The following BTK variants were observed in gnomAD, a reference collection of about 807,000 sequenced individuals.
BTK encodes the protein Bruton tyrosine kinase, also known as tyrosine-protein kinase BTK.
Under a neutral mutation model 57.4 loss-of-function variants are expected in BTK, and 5 were observed. The ratio of observed to expected loss-of-function variants is 0.09; its 90% CI spans 0.05 to 0.18. BTK has a LOEUF of 0.18. BTK is among the 10% of genes least tolerant of loss of function. The pLI is 1.00. For missense variants in BTK, 194 were observed against 501.2 expected (o/e 0.39, Z 5.85); for synonymous variants, 154 against 174.3 (o/e 0.88, Z 0.92).
chrX:101,350,056 A>T, intron 18 of BTK, 100 bp from the exon 19 acceptor site: 1 of 558,605 alleles, frequency 1.8e-6, no homozygotes, highest in African/African-American at 2.3e-5. Flanking sequence ...TATATGCTCT[A>T]TGCCCAGTAG....
Position 101,362,159 on chromosome X carries a change from G to T in BTK, c.588+14C>A. 8.3e-7 allele frequency: 1 copy of T among 1,210,058 alleles called. No homozygotes were observed. Among genetic ancestry groups the T allele is most frequent in the Non-Finnish European group, 1.1e-6 (1 of 893,835 alleles). On this transcript the variant is annotated intron_variant, in intron 7 of 18. Transcript: ENST00000308731. ...TCCATTTAAGCAGTGGCAGCACCCA[G>T]TTTCCCTGTATACCTGGTCCTCCTC...
At chrX:101,383,423 T>C (rs1555982076) in intron 1 of BTK, among the ~76,000 whole-genome samples, 1 of 112,138 alleles carries the variant, frequency 8.9e-6, no homozygotes, top group Non-Finnish European at 1.9e-5. Flanking sequence ...TCCAGAAACA[T>C]TGTCCCAATT....
At chrX:101,354,926 C>T (rs149777384) in intron 15 of BTK, among the ~76,000 whole-genome samples, 2 of 112,041 alleles carry the variant, frequency 1.8e-5, no homozygotes, top group East Asian at 2.8e-4. Context: ...ACATACAGAA[C>T]GATTGCATTC....
chrX:101,379,143 C>T (rs1927319462), intron 1 of BTK, among the ~76,000 whole-genome samples: 1 of 101,981 alleles, frequency 9.8e-6, no homozygotes, highest in African/African-American at 3.7e-5. Flanking sequence ...CACTGCACTC[C>T]AGCCTGGAGT....
At chrX:101,353,448 G>A (rs1432411320) in intron 17 of BTK, 97 bp from the exon 18 acceptor site, 23 of 915,871 alleles carry the variant, frequency 2.5e-5, no homozygotes, top group Non-Finnish European at 3.6e-5. Context: ...AGAATCAGTT[G>A]GTTCCCCGCT....
At chrX:101,362,508 G>A in intron 6 of BTK, 53 bp downstream of exon 6, 1 of 1,206,073 alleles carries the variant, frequency 8.3e-7, no homozygotes, top group Non-Finnish European at 1.1e-6. Flanking sequence ...ACCCTTGGGA[G>A]AGTGATGGAA....
upstream of BTK, among the ~76,000 whole-genome samples, chrX:101,389,163 GTGT>G (rs34405433): frequency 8.3e-3 from 932 of 111,972 alleles, 7 homozygotes; most frequent in African/African-American, 0.029. Context: ...GATGATAGAT[GTGT>G]TAATCAATTT....
chrX:101,364,928 G>C (rs925941817), intron 5 of BTK, among the ~76,000 whole-genome samples: 1 of 111,110 alleles, frequency 9.0e-6, no homozygotes, highest in Admixed American at 9.6e-5. Context: ...TTTTAGCAGA[G>C]ACATGGTTTC....
At chrX:101,379,292 G>C (rs1927332109) in intron 1 of BTK, among the ~76,000 whole-genome samples, 1 of 111,815 alleles carries the variant, frequency 8.9e-6, no homozygotes, top group Non-Finnish European at 1.9e-5. Context: ...CCAGTCAACT[G>C]TACTTCAAAT....
intron 1 of BTK, among the ~76,000 whole-genome samples, chrX:101,376,041 C>T (rs1927205100): frequency 9.0e-6 from 1 of 110,693 alleles, no homozygotes; most frequent in Non-Finnish European, 1.9e-5. Flanking sequence ...TTCTTTTAGA[C>T]AGCATCATGC....
intron 9 of BTK, 51 bp downstream of exon 9, chrX:101,360,033 TATAG>T: frequency 6.3e-5 from 32 of 505,491 alleles, no homozygotes; most frequent in South Asian, 1.2e-4. Context: ...TATATATATA[TATAG>T]AGAGAGAGAG....
upstream of BTK, among the ~76,000 whole-genome samples, chrX:101,387,935 C>T (rs960727968): frequency 2.8e-5 from 3 of 106,784 alleles, no homozygotes; most frequent in Non-Finnish European, 5.8e-5. Context: ...GGCATGATCT[C>T]GGCTCACTGC....
At position 101,379,180 on chromosome X, in the gene BTK, T is replaced by TAA. The variant is rs56368552; in HGVS notation, c.-30-3868_-30-3867dup. 3.7e-4 allele frequency among the ~76,000 whole-genome samples: 32 copies of TAA among 87,653 alleles called. 1 individual carries two copies. In the South Asian group the frequency reaches 0.016, roughly 43 times the overall value. The allele number at this position is 87,653 out of a possible 115,157, so 76.1% of individuals were successfully genotyped here. On this transcript the variant is annotated intron_variant, in intron 1 of 18. Transcript: ENST00000308731. ...TCAAAAAAAAAATAAAAAATAAAAATAAAAAAAAAAAAGAAGAAGAATACC... is the reference window on the plus strand; with the variant it reads ...TCAAAAAAAAAATAAAAAATAAAAATAAAAAAAAAAAAAAGAAGAAGAATACC...
rs1049963617 is a variant in BTK at position 101,356,966 on chromosome X, A to T, written c.1178-11T>A. 3 of 1,208,752 alleles carry T rather than the reference A, an allele frequency of 2.5e-6. No individual in the cohort carries two copies. The highest frequency in any genetic ancestry group is 3.4e-6 in the Non-Finnish European group (3 of 893,788). ...CAATTTCCCATGATCCTAACAATAAAGTCTTGGTGTGATTCTTTGGGGTCA... is the reference window on the plus strand; with the variant it reads ...CAATTTCCCATGATCCTAACAATAATGTCTTGGTGTGATTCTTTGGGGTCA... On this transcript the variant is annotated splice_polypyrimidine_tract_variant and intron_variant, in intron 13 of 18. Transcript: ENST00000308731.
chrX:101,351,470 A>G (rs1209113332), intron 18 of BTK, among the ~76,000 whole-genome samples: 4 of 111,734 alleles, frequency 3.6e-5, no homozygotes, highest in African/African-American at 1.3e-4. Flanking sequence ...ATCACACAGA[A>G]GAAAGAAGGA....
intron 1 of BTK, among the ~76,000 whole-genome samples, chrX:101,384,704 T>C (rs1274454768): frequency 8.9e-6 from 1 of 111,843 alleles, no homozygotes; most frequent in Non-Finnish European, 1.9e-5. Flanking sequence ...AGTTTGAATA[T>C]AAAAGGAGTC....
At chrX:101,383,338 C>G (rs981487588) in intron 1 of BTK, among the ~76,000 whole-genome samples, 5 of 111,768 alleles carry the variant, frequency 4.5e-5, no homozygotes, top group Non-Finnish European at 9.4e-5. Context: ...TTATTAGGAT[C>G]TCTATACAAG....
At position 101,355,682 on chromosome X, in the gene BTK, G is replaced by T. The variant is rs1450799858; in HGVS notation, c.1566+370C>A. 7 of 229,856 alleles carry T rather than the reference G, an allele frequency of 3.0e-5. No individual in the cohort carries two copies. The East Asian group carries it at 5.9e-4, about 19-fold the overall frequency. The allele number at this position is 229,856 out of a possible 1,213,427, so 18.9% of individuals were successfully genotyped here. ...ACATGTGGGCCAAATGCATCCACAG[G>T]CCCCAGTATGTGACTCTGAAGGAAC... On this transcript the variant is annotated intron_variant, in intron 15 of 18. Coordinates refer to ENST00000308731, the MANE Select transcript of BTK (RefSeq NM_000061.3).
chrX:101,384,699 G>T (rs1244620995), intron 1 of BTK, among the ~76,000 whole-genome samples: 2 of 112,246 alleles, frequency 1.8e-5, no homozygotes, highest in African/African-American at 6.5e-5. Flanking sequence ...TAAATAGTTT[G>T]AATATAAAAG....
Sources: allele counts gnomAD v4.1 joint callset (sites outside exome capture counted in the v4.1 genomes callset), GRCh38; gene constraint gnomAD v4.1.1; transcripts MANE v1.5; gene names NCBI Gene and HGNC (gene_info 2026-07-23, HGNC 2026-07-21).